The following GALNT14 variants were observed in gnomAD, a reference collection of about 807,000 sequenced individuals.
The protein encoded by GALNT14 is UDP-GalNAc:polypeptide N-acetylgalactosaminyltransferase 14.
Under a neutral mutation model 77.5 loss-of-function variants are expected in GALNT14, and 60 were observed. The ratio of observed to expected loss-of-function variants is 0.77; its 90% CI spans 0.63 to 0.96. The LOEUF (loss-of-function observed/expected upper bound fraction) is 0.96, where lower values mean the gene tolerates loss of function less well. Among genes scored for constraint, GALNT14 ranks in the 40% least tolerant of loss-of-function variants. The pLI is 0.00. For missense variants in GALNT14, 710 were observed against 731.0 expected, an observed-to-expected ratio of 0.97 and a Z score of 0.33; for synonymous variants, 280 against 281.7, an observed-to-expected ratio of 0.99 and a Z score of 0.06.
At chr2:31,096,131 C>T (rs566389776) in intron 1 of GALNT14, among the ~76,000 whole-genome samples, 1 of 152,288 alleles carries the variant, frequency 6.6e-6, no homozygotes, top group African/African-American at 2.4e-5. Flanking sequence ...CTCTGACTTC[C>T]TCTTCTGCCT....
At chr2:30,976,035 A>G (rs1385439384) in intron 2 of GALNT14, among the ~76,000 whole-genome samples, 1 of 152,138 alleles carries the variant, frequency 6.6e-6, no homozygotes, top group Non-Finnish European at 1.5e-5. Context: ...TCATTTACCA[A>G]CTGGCATCTG....
intron 1 of GALNT14, among the ~76,000 whole-genome samples, chr2:31,006,685 T>C (rs73923349): frequency 0.033 from 4,994 of 152,216 alleles, 244 homozygotes; most frequent in African/African-American, 0.11. Context: ...GGAAGCACAG[T>C]TGTACATTTT....
Position 30,932,236 on chromosome 2 carries a change from C to T in GALNT14, c.932-42G>A, listed in dbSNP as rs201293423. 1.9e-5 allele frequency: 26 copies of T among 1,392,148 alleles called. No individual in the cohort carries two copies. The African/African-American group carries it at 3.7e-4, about 20-fold the overall frequency. 86.2% of individuals were successfully genotyped at this position (1,392,148 alleles called of 1,614,324 possible). On this transcript the variant is annotated intron_variant, in intron 9 of 14. Coordinates refer to ENST00000349752, the MANE Select transcript of GALNT14 (RefSeq NM_024572.4). ...CCCCTCCTATGACCTCTTATCACTGCTGCTGCAGCTTTGAGGCCCCAGGTC... is the reference window on the plus strand; with the variant it reads ...CCCCTCCTATGACCTCTTATCACTGTTGCTGCAGCTTTGAGGCCCCAGGTC...
chr2:31,046,449 C>T (rs1206353759), intron 1 of GALNT14, among the ~76,000 whole-genome samples: 2 of 152,028 alleles, frequency 1.3e-5, no homozygotes, highest in Non-Finnish European at 2.9e-5. Flanking sequence ...AGGATGGTCT[C>T]GATCTCCTGA....
intron 1 of GALNT14, among the ~76,000 whole-genome samples, chr2:31,109,079 C>T (rs1381673759): frequency 6.6e-6 from 1 of 152,210 alleles, no homozygotes; most frequent in Non-Finnish European, 1.5e-5. Flanking sequence ...GCTGTTATCT[C>T]ATTCCCAGAT....
downstream of GALNT14, among the ~76,000 whole-genome samples, chr2:30,910,073 G>A (rs1443031147): frequency 8.9e-6 from 1 of 112,774 alleles, no homozygotes; most frequent in East Asian, 3.1e-4. Context: ...GGTGGGGGGA[G>A]GGGGGAGGGA....
At chr2:31,042,629 A>T (rs954089017) in intron 1 of GALNT14, among the ~76,000 whole-genome samples, 10 of 152,110 alleles carry the variant, frequency 6.6e-5, no homozygotes, top group Middle Eastern at 3.2e-3. Context: ...ATCTGTTGAG[A>T]TGAAAACCTT....
intron 1 of GALNT14, among the ~76,000 whole-genome samples, chr2:31,023,458 T>C (rs2148465041): frequency 6.6e-6 from 1 of 152,196 alleles, no homozygotes; most frequent in South Asian, 2.1e-4. Context: ...ATTTCCCATC[T>C]TTAAAATACC....
chr2:31,057,712 G>A (rs374472597), intron 1 of GALNT14, among the ~76,000 whole-genome samples: 36 of 152,094 alleles, frequency 2.4e-4, no homozygotes, highest in African/African-American at 8.2e-4. Flanking sequence ...AATGTTGTCT[G>A]CTGTCAGGCT....
chr2:30,948,416 T>C (rs1449192942), intron 6 of GALNT14, among the ~76,000 whole-genome samples: 1 of 152,232 alleles, frequency 6.6e-6, no homozygotes, highest in Non-Finnish European at 1.5e-5. Flanking sequence ...GCTAACAATG[T>C]GGTTTATGGA....
At chr2:31,040,118 T>C (rs1396146231) in intron 1 of GALNT14, among the ~76,000 whole-genome samples, 1 of 152,246 alleles carries the variant, frequency 6.6e-6, no homozygotes. Context: ...TTATTTCTAT[T>C]GTATACTGTC....
At chr2:31,054,261 A>G (rs1412743928) in intron 1 of GALNT14, among the ~76,000 whole-genome samples, 3 of 152,136 alleles carry the variant, frequency 2.0e-5, no homozygotes, top group African/African-American at 7.2e-5. Flanking sequence ...TCACACTTAC[A>G]TATGTGTGAG....
intron 1 of GALNT14, among the ~76,000 whole-genome samples, chr2:31,050,679 G>C (rs528997375): frequency 6.6e-6 from 1 of 152,160 alleles, no homozygotes; most frequent in East Asian, 1.9e-4. Flanking sequence ...AGATGACAAC[G>C]TCAGGGGGAA....
At chr2:31,015,991 A>C (rs998748482) in intron 1 of GALNT14, among the ~76,000 whole-genome samples, 19 of 152,140 alleles carry the variant, frequency 1.2e-4, no homozygotes, top group Admixed American at 3.3e-4. Flanking sequence ...GAGGAAGGAG[A>C]TGATGAGAGT....
chr2:30,981,840 A>C (rs990053779), intron 2 of GALNT14, among the ~76,000 whole-genome samples: 1 of 152,214 alleles, frequency 6.6e-6, no homozygotes, highest in Admixed American at 6.5e-5. Flanking sequence ...ACGTGGGAGG[A>C]AACAGACACC....
intron 13 of GALNT14, among the ~76,000 whole-genome samples, chr2:30,919,494 G>T (rs1186966248): frequency 6.6e-6 from 1 of 152,214 alleles, no homozygotes. Flanking sequence ...GGCAGCTAAA[G>T]CTGAACTCAG....
chr2:31,057,327 A>G (rs1674286373), intron 1 of GALNT14, among the ~76,000 whole-genome samples: 1 of 137,196 alleles, frequency 7.3e-6, no homozygotes, highest in South Asian at 2.4e-4. Flanking sequence ...AAAATTATAT[A>G]TTATATATAC....
chr2:30,955,735 C>T lies in GALNT14; in HGVS notation c.537G>A (p.Leu179=), dbSNP rs767917819. Residue 179 remains leucine (L), a synonymous_variant, in exon 6 of 15, where the codon CTG becomes CTA. Transcript: ENST00000349752. ...CAGCGCCCCGAATCCGGGACCGGACCAGACCTGCAGTCAGGAACAAATGAC... is the reference window on the plus strand; with the variant it reads ...CAGCGCCCCGAATCCGGGACCGGACTAGACCTGCAGTCAGGAACAAATGAC... ...KCLRNNERQG[L]VRSRIRGADI... The T allele has an allele frequency of 4.3e-6, 7 of 1,613,978 alleles. No homozygotes were observed. The highest frequency in any genetic ancestry group is 5.9e-6 in the Non-Finnish European group (7 of 1,180,038).
intron 1 of GALNT14, among the ~76,000 whole-genome samples, chr2:31,038,984 A>C (rs1672934512): frequency 6.6e-6 from 1 of 152,090 alleles, no homozygotes; most frequent in South Asian, 2.1e-4. Context: ...AGCCTCAAGC[A>C]ATCCACCCAC....
Sources: allele counts gnomAD v4.1 joint callset (sites outside exome capture counted in the v4.1 genomes callset), GRCh38; gene constraint gnomAD v4.1.1; transcripts MANE v1.5; gene names NCBI Gene and HGNC (gene_info 2026-07-23, HGNC 2026-07-21).